PSG6: variants seen among roughly 807,000 people sequenced by gnomAD.
PSG6 encodes pregnancy-specific beta-1-glycoprotein 6.
In PSG6, 51 loss-of-function variants were observed where a neutral mutation model predicts 43.3. The ratio of observed to expected loss-of-function variants is 1.18; its 90% CI spans 0.94 to 1.49. The LOEUF is 1.49. Ranked by LOEUF, PSG6 falls within the 40% of genes most tolerant of loss-of-function variation. The pLI is 0.00. For missense variants in PSG6, 770 were observed against 522.2 expected (o/e 1.47, Z -4.62); for synonymous variants, 292 against 197.6 (o/e 1.48, Z -4.01).
chr19:42,909,052 A>C (rs979413640), intron 3 of PSG6, among the ~76,000 whole-genome samples: 4 of 151,762 alleles, frequency 2.6e-5, no homozygotes, highest in African/African-American at 9.7e-5. Flanking sequence ...TGGATTTCTG[A>C]TATTTTTTGA....
At chr19:42,906,565 C>A (rs1240113724) in intron 5 of PSG6, 15 of 1,319,946 alleles carry the variant, frequency 1.1e-5, no homozygotes, top group African/African-American at 1.5e-5. Context: ...GGAATAGGTA[C>A]AAGAAAACAA....
At chr19:42,915,975 T>A (rs560159582) in intron 2 of PSG6, 150 bp downstream of exon 2, 1 of 1,329,142 alleles carries the variant, frequency 7.5e-7, no homozygotes, top group African/African-American at 1.5e-5. Flanking sequence ...GTGTCTCCTC[T>A]GTGTGTGTCC....
intron 2 of PSG6, among the ~76,000 whole-genome samples, chr19:42,911,119 C>A (rs1208702019): frequency 6.6e-6 from 1 of 151,592 alleles, no homozygotes; most frequent in Non-Finnish European, 1.5e-5. Flanking sequence ...AGACACAGGA[C>A]CAGCAGTCAC....
chr19:42,902,203 G>T lies in PSG6; in HGVS notation c.*209C>A. On this transcript the variant is annotated 3_prime_UTR_variant, in exon 6 of 6. Coordinates refer to ENST00000187910, the MANE Select transcript of PSG6 (RefSeq NM_001031850.4). The stretch of plus-strand genomic sequence containing the variant: ...AATGTTTCAATTTTTGTTTACAAAA[G>T]TATACTTTACCAATTGCTGAAGAAA... 1 of 616,616 alleles carries T rather than the reference G, an allele frequency of 1.6e-6. No individual in the cohort carries two copies. The highest frequency in any genetic ancestry group is 3.2e-5 in the Admixed American group (1 of 30,874). The allele number at this position is 616,616 out of a possible 1,614,324, so 38.2% of individuals were successfully genotyped here.
rs182111792 is a variant in PSG6 at position 42,905,189 on chromosome 19, T to C, written c.1240+1733A>G. The stretch of plus-strand genomic sequence containing the variant: ...ACTATACAACTCTTAGAAGAAAAAC[T>C]TCATGATAGTGGATTTCACAATGAT... On this transcript the variant is annotated intron_variant, in intron 5 of 5. Transcript: ENST00000187910. Among the ~76,000 whole-genome samples the C allele has an allele frequency of 1.8e-3, 270 of 151,750 alleles. 9 individuals are homozygous for C. In the Middle Eastern group the frequency reaches 0.024, roughly 13 times the overall value.
chr19:42,906,800 T>A, intron 5 of PSG6, 122 bp downstream of exon 5: 1 of 1,600,642 alleles, frequency 6.2e-7, no homozygotes, highest in Non-Finnish European at 8.5e-7. Context: ...GGAGGAGAAT[T>A]TGGGATTTGC....
At chr19:42,906,165 T>C (rs1972108296) in intron 5 of PSG6, among the ~76,000 whole-genome samples, 1 of 151,650 alleles carries the variant, frequency 6.6e-6, no homozygotes, top group Non-Finnish European at 1.5e-5. Context: ...TCTCTAGCTC[T>C]GCATCAGTCA....
intron 2 of PSG6, among the ~76,000 whole-genome samples, chr19:42,914,218 C>T (rs538707177): frequency 2.6e-5 from 4 of 151,350 alleles, no homozygotes; most frequent in South Asian, 4.3e-4. Flanking sequence ...GACATTGGCT[C>T]GAGAGGAAGC....
At position 42,910,243 on chromosome 19, in the gene PSG6, G is replaced by C. The variant is rs1848922878; in HGVS notation, c.706+337C>G. 1.4e-5 allele frequency: 7 copies of C among 500,350 alleles called. 1 individual carries two copies. The highest frequency in any genetic ancestry group is 6.8e-5 in the South Asian group (3 of 44,296). 31.0% of individuals were successfully genotyped at this position (500,350 alleles called of 1,614,324 possible). A position where few individuals can be genotyped will look rare whatever the true frequency, so the allele number is the denominator to read the frequency against. ...AGGGAAAATCCTGGTCTGTGGAAGG[G>C]ACACAGTCACAGTGACCCTGTGAGC... is the stretch of plus-strand genomic sequence containing the variant. On this transcript the variant is annotated intron_variant, in intron 3 of 5. Transcript: ENST00000187910.
rs145027261 is a variant in PSG6, at chr19:42,917,645, T to G, written c.64+84A>C. The G allele has an allele frequency of 3.1e-4, 491 of 1,570,560 alleles. 11 individuals are homozygous for G. The African/African-American group carries it at 5.8e-3, about 19-fold the overall frequency. On this transcript the variant is annotated intron_variant, in intron 1 of 5. Coordinates refer to ENST00000187910, the MANE Select transcript of PSG6 (RefSeq NM_001031850.4). Reference sequence around the variant, plus strand: ...CCCTAAGTGCTGGCTTCTTTTATTTTTTAGAACCCCATCCTCTCCAGGATA... The same window carrying G: ...CCCTAAGTGCTGGCTTCTTTTATTTGTTAGAACCCCATCCTCTCCAGGATA...
At chr19:42,903,642 C>T in intron 5 of PSG6, 1 of 1,515,144 alleles carries the variant, frequency 6.6e-7, no homozygotes, top group South Asian at 1.3e-5. Flanking sequence ...TTAATCCTAG[C>T]ACTTTGGGAG....
chr19:42,907,057 C>T lies in PSG6; in HGVS notation c.1105G>A (p.Gly369Arg), dbSNP rs1267350108. The part of the protein sequence containing the change: ...PPAEYSWTIN[G>R]KFQLSGQKLF... Reference sequence around the variant, plus strand: ...TTTTGTCCTGATAGCTGAAACTTCCCATTAATTGTCCAAGAATACTCTGCC... The same window carrying T: ...TTTTGTCCTGATAGCTGAAACTTCCTATTAATTGTCCAAGAATACTCTGCC... Residue 369 changes from glycine to arginine, a missense_variant, in exon 5 of 6, where the codon GGG (glycine) becomes AGG (arginine). Coordinates refer to ENST00000187910, the MANE Select transcript of PSG6 (RefSeq NM_001031850.4). The T allele has an allele frequency of 1.9e-6, 3 of 1,612,526 alleles. No homozygotes were observed. The highest frequency in any genetic ancestry group is 1.3e-5 in the African/African-American group (1 of 74,740).
chr19:42,907,618 A>C lies in PSG6; in HGVS notation c.943T>G (p.Tyr315Asp), dbSNP rs768447561. 5.6e-6 allele frequency: 9 copies of C among 1,611,906 alleles called. No individual in the cohort carries two copies. In the South Asian group the frequency reaches 7.7e-5, roughly 14 times the overall value. Residue 315 changes from tyrosine to aspartate, a missense_variant, in exon 4 of 6, where the codon TAT (tyrosine) becomes GAT (aspartate). Transcript: ENST00000187910. The part of the protein sequence containing the change: ...GPYQCEIRDR[Y>D]GGIRSNPVTL... ...ACTGGGTTACTGCGGATGCCACCATATCGGTCCCGTATTTCACATTGATAG... is the reference window on the plus strand; with the variant it reads ...ACTGGGTTACTGCGGATGCCACCATCTCGGTCCCGTATTTCACATTGATAG...
intron 5 of PSG6, among the ~76,000 whole-genome samples, chr19:42,905,034 G>C (rs919786779): frequency 6.6e-6 from 1 of 151,566 alleles, no homozygotes; most frequent in Non-Finnish European, 1.5e-5. Context: ...CAATGGGGAA[G>C]GGACAGTGTT....
At chr19:42,915,012 A>G (rs548280587) in intron 2 of PSG6, among the ~76,000 whole-genome samples, 1 of 151,314 alleles carries the variant, frequency 6.6e-6, no homozygotes, top group African/African-American at 2.4e-5. Context: ...ATTTGCTCTC[A>G]CTCCTCTGAG....
At chr19:42,913,302 C>G (rs1277106509) in intron 2 of PSG6, among the ~76,000 whole-genome samples, 1 of 151,600 alleles carries the variant, frequency 6.6e-6, no homozygotes, top group African/African-American at 2.4e-5. Flanking sequence ...AGGTGACCAC[C>G]ACCATGCCCA....
At chr19:42,912,097 T>C (rs897933249) in intron 2 of PSG6, among the ~76,000 whole-genome samples, 1 of 151,680 alleles carries the variant, frequency 6.6e-6, no homozygotes, top group Non-Finnish European at 1.5e-5. Flanking sequence ...TGTACTGGTT[T>C]AGCATCCCAA....
chr19:42,916,822 C>T lies in PSG6; in HGVS notation c.65-335G>A, dbSNP rs549796071. Among the ~76,000 whole-genome samples the T allele has an allele frequency of 1.5e-4, 23 of 151,528 alleles. 2 individuals are homozygous for T. The East Asian group carries it at 2.9e-3, about 19-fold the overall frequency. ...CTGCTCACATCAGGGCATCCTTAGA[C>T]TTCTTTCCTGATGCCTGCTTCAGAG... On this transcript the variant is annotated intron_variant, in intron 1 of 5. Transcript: ENST00000187910.
intron 2 of PSG6, 65 bp downstream of exon 2, chr19:42,916,060 C>A: frequency 6.3e-7 from 1 of 1,599,828 alleles, no homozygotes; most frequent in Non-Finnish European, 8.5e-7. Flanking sequence ...CCTGACAATT[C>A]TGTGTGTGTG....
Sources: allele counts gnomAD v4.1 joint callset (sites outside exome capture counted in the v4.1 genomes callset), GRCh38; gene constraint gnomAD v4.1.1; transcripts MANE v1.5; gene names NCBI Gene and HGNC (gene_info 2026-07-23, HGNC 2026-07-21).